The following CELF1 variants were observed in gnomAD, a reference collection of about 807,000 sequenced individuals.
CELF1 encodes the protein 50 kDa nuclear polyadenylated RNA-binding protein.
Under a neutral mutation model 61.8 loss-of-function variants are expected in CELF1, and 10 were observed. That is an observed-to-expected ratio of 0.16 (90% CI 0.10 to 0.27). The LOEUF (loss-of-function observed/expected upper bound fraction) is 0.27. Ranked by LOEUF, CELF1 falls within the 10% of genes least tolerant of loss-of-function variation. The probability of loss-of-function intolerance (pLI) is 1.00; values close to 1 mark genes in which losing one functional copy is unlikely to be tolerated. For missense variants in CELF1, 380 were observed against 639.1 expected, an observed-to-expected ratio of 0.59 and a Z score of 4.37; for synonymous variants, 236 against 225.1, an observed-to-expected ratio of 1.05 and a Z score of -0.43.
At chr11:47,476,452 C>G (rs1025163994) in intron 12 of CELF1, among the ~76,000 whole-genome samples, 3 of 151,988 alleles carry the variant, frequency 2.0e-5, no homozygotes, top group African/African-American at 7.3e-5. Flanking sequence ...TTGAGACGGA[C>G]TCTCGCTCTG....
chr11:47,491,234 C>T (rs2091314386), intron 3 of CELF1, among the ~76,000 whole-genome samples: 1 of 100,394 alleles, frequency 1.0e-5, no homozygotes, highest in Admixed American at 1.1e-4. Context: ...GTAATCTCAG[C>T]TCACTGCAAC....
chr11:47,497,901 A>G (rs2093398535), intron 3 of CELF1, among the ~76,000 whole-genome samples: 1 of 152,214 alleles, frequency 6.6e-6, no homozygotes, highest in African/African-American at 2.4e-5. Context: ...TGGGTTGAAC[A>G]CCAGGCAGTG....
chr11:47,534,908 G>A (rs1224332425), intron 1 of CELF1, among the ~76,000 whole-genome samples: 6 of 151,894 alleles, frequency 4.0e-5, no homozygotes, highest in African/African-American at 1.5e-4. Context: ...TCTGTTAGAA[G>A]ATATCTTAAG....
At chr11:47,483,601 C>G in intron 7 of CELF1, 69 bp from the exon 8 acceptor site, 24 of 1,131,998 alleles carry the variant, frequency 2.1e-5, no homozygotes, top group Non-Finnish European at 3.2e-5. Context: ...TGAGCACCTA[C>G]TATGTGCTGA....
At chr11:47,478,110 C>T (rs1401335152) in intron 10 of CELF1, among the ~76,000 whole-genome samples, 6 of 152,150 alleles carry the variant, frequency 3.9e-5, no homozygotes, top group East Asian at 3.9e-4. Context: ...AAAGAGTAAA[C>T]GAGAATTAAA....
chr11:47,487,106 A>G (rs2087844175), intron 5 of CELF1, 53 bp downstream of exon 5: 1 of 1,323,538 alleles, frequency 7.6e-7, no homozygotes, highest in Admixed American at 1.7e-5. Flanking sequence ...GTGTAAGTAT[A>G]TCCCACATAT....
At position 47,479,046 on chromosome 11, in the gene CELF1, A is replaced by C; in HGVS notation, c.769-94T>G. 3 of 946,558 alleles carry C rather than the reference A, an allele frequency of 3.2e-6. No homozygotes were observed. In the South Asian group the frequency reaches 4.2e-5, roughly 13 times the overall value. The allele number at this position is 946,558 out of a possible 1,614,324, so 58.6% of individuals were successfully genotyped here. A position where few individuals can be genotyped will look rare whatever the true frequency, so the allele number is the denominator to read the frequency against. On this transcript the variant is annotated intron_variant, in intron 9 of 14. Coordinates refer to ENST00000687097, the MANE Select transcript of CELF1 (RefSeq NM_001376376.1). ...ACAGCACAGCAAAGCGAGAGTGCAG[A>C]GGCCCCCAGAGAGAAGAAAGTCAAA... is the stretch of plus-strand genomic sequence containing the variant.
At chr11:47,505,927 C>T (rs2094452543) in intron 1 of CELF1, among the ~76,000 whole-genome samples, 1 of 131,828 alleles carries the variant, frequency 7.6e-6, no homozygotes, top group Admixed American at 7.8e-5. Flanking sequence ...AAGAGTGAAA[C>T]TCTGTCTCCA....
At chr11:47,522,597 G>A (rs1249540381) in intron 1 of CELF1, among the ~76,000 whole-genome samples, 1 of 151,764 alleles carries the variant, frequency 6.6e-6, no homozygotes, top group African/African-American at 2.4e-5. Context: ...GGAGGCCAAG[G>A]TGGGTGGATC....
At chr11:47,506,304 T>A (rs573764206) in intron 1 of CELF1, among the ~76,000 whole-genome samples, 2 of 150,228 alleles carry the variant, frequency 1.3e-5, no homozygotes, top group Admixed American at 1.3e-4. Flanking sequence ...CACAGGCCTG[T>A]TAATCCCAGC....
chr11:47,559,916 C>T (rs1216502842), intron 2 of CELF1, among the ~76,000 whole-genome samples: 2 of 151,518 alleles, frequency 1.3e-5, no homozygotes, highest in Admixed American at 1.3e-4. Context: ...CCAGGAGAAT[C>T]GCTTGAACCC....
At chr11:47,545,491 A>C (rs1178165572) in intron 1 of CELF1, among the ~76,000 whole-genome samples, 2 of 152,126 alleles carry the variant, frequency 1.3e-5, no homozygotes, top group Non-Finnish European at 2.9e-5. Context: ...ACTCATTATT[A>C]AGAGGTTAAT....
intron 1 of CELF1, among the ~76,000 whole-genome samples, chr11:47,528,058 T>C (rs974258014): frequency 6.6e-6 from 1 of 152,052 alleles, no homozygotes; most frequent in Admixed American, 6.6e-5. Flanking sequence ...ATCACACCAT[T>C]GCACTCTGGC....
chr11:47,472,202 C>CT lies in CELF1; in HGVS notation c.*27dup. 1.9e-6 allele frequency: 3 copies of CT among 1,611,870 alleles called. No individual in the cohort carries two copies. The highest frequency in any genetic ancestry group is 2.5e-6 in the Non-Finnish European group (3 of 1,178,924). ...CCTCCCCCACTTACCAGAAGACCCT[C>CT]TCACTCCAGTCTCAGAGGGGAGCAC... On this transcript the variant is annotated 3_prime_UTR_variant, in exon 15 of 15. Transcript: ENST00000687097.
chr11:47,514,939 C>T (rs762485232), intron 1 of CELF1: 1 of 152,220 alleles, frequency 6.6e-6, no homozygotes, highest in Admixed American at 6.5e-5. Flanking sequence ...TCAAATCCCC[C>T]GTATTTCCTC....
intron 1 of CELF1, among the ~76,000 whole-genome samples, chr11:47,552,151 G>A (rs1435128807): frequency 6.6e-6 from 1 of 152,102 alleles, no homozygotes; most frequent in African/African-American, 2.4e-5. Context: ...TAAACCTACA[G>A]CTCTCTCCTG....
chr11:47,523,546 G>C (rs1021594048), intron 1 of CELF1: 2 of 152,252 alleles, frequency 1.3e-5, no homozygotes, highest in African/African-American at 2.4e-5. Context: ...ATCCCTAAGT[G>C]ATTCAGAGCC....
At chr11:47,494,195 A>T (rs943248991) in intron 3 of CELF1, 1 of 170,032 alleles carries the variant, frequency 5.9e-6, no homozygotes, top group Non-Finnish European at 1.2e-5. Context: ...GATAGAAGAA[A>T]GGCAAATCAG....
chr11:47,503,539 G>C (rs1345763171), intron 1 of CELF1, among the ~76,000 whole-genome samples: 1 of 152,144 alleles, frequency 6.6e-6, no homozygotes, highest in African/African-American at 2.4e-5. Flanking sequence ...ATCTATATGA[G>C]GGAATTCAAA....
Sources: allele counts gnomAD v4.1 joint callset (sites outside exome capture counted in the v4.1 genomes callset), GRCh38; gene constraint gnomAD v4.1.1; transcripts MANE v1.5; gene names NCBI Gene and HGNC (gene_info 2026-07-23, HGNC 2026-07-21).